The following TNRC18 variants were observed in gnomAD, a reference collection of about 807,000 sequenced individuals.
TNRC18 encodes trinucleotide repeat-containing gene 18 protein.
In TNRC18, 69 loss-of-function variants were observed where a neutral mutation model predicts 226.7. That is an observed-to-expected ratio of 0.30 (90% CI 0.25 to 0.37). TNRC18 has a LOEUF of 0.37. Ranked by LOEUF, TNRC18 falls within the 10% of genes least tolerant of loss-of-function variation. The pLI, the probability that TNRC18 is intolerant of heterozygous loss-of-function variation, is 1.00. For missense variants in TNRC18, 4,754 were observed against 4,256.6 expected (o/e 1.12, Z -3.25); for synonymous variants, 2,449 against 1,927.6 (o/e 1.27, Z -7.09).
At position 5,389,069 on chromosome 7, in the gene TNRC18, T is replaced by C; in HGVS notation, c.755A>G (p.Asp252Gly). The stretch of plus-strand genomic sequence containing the variant: ...CTCAGCCAGGCGCGGGGGCCCCCGG[T>C]CCTGGCGGCCCTCGGCGCGCGCCTC... Reference protein sequence around the residue: ...TQEARAEGRQDRGPPRLAERL... With the variant: ...TQEARAEGRQGRGPPRLAERL... The change falls in exon 5 of 30, where the codon GAC (aspartate) becomes GGC (glycine). Residue 252 changes from aspartate to glycine, a missense_variant. Asp to Gly is a moderately conservative substitution (Grantham distance 94). Coordinates refer to ENST00000430969, the MANE Select transcript of TNRC18 (RefSeq NM_001080495.3). The C allele has an allele frequency of 3.1e-6, 4 of 1,280,996 alleles. No homozygotes were observed. Among genetic ancestry groups the C allele is most frequent in the Non-Finnish European group, 4.0e-6 (4 of 1,006,142 alleles). 79.4% of individuals were successfully genotyped at this position (1,280,996 alleles called of 1,614,324 possible).
intron 16 of TNRC18, among the ~76,000 whole-genome samples, chr7:5,356,203 A>G (rs1388479283): frequency 6.6e-6 from 1 of 150,726 alleles, no homozygotes; most frequent in Non-Finnish European, 1.5e-5. Context: ...ATAGTGGGAC[A>G]CAGCCATGAT....
chr7:5,308,454 AAG>A, intron 29 of TNRC18, 142 bp from the exon 30 acceptor site: 1 of 749,198 alleles, frequency 1.3e-6, no homozygotes, highest in Non-Finnish European at 2.2e-6. Context: ...GAGGCTGAGT[AAG>A]AGACAGACCA....
chr7:5,307,979 G>C lies in TNRC18; in HGVS notation c.*127C>G, dbSNP rs1786727282. On this transcript the variant is annotated 3_prime_UTR_variant, in exon 30 of 30. Transcript: ENST00000430969. ...ACCCGGGCATCCACGTGCACACCTGGCCCCATGCACACGCCTGCAGGAGCG... is the reference window on the plus strand; with the variant it reads ...ACCCGGGCATCCACGTGCACACCTGCCCCCATGCACACGCCTGCAGGAGCG... The C allele has an allele frequency of 2.4e-6, 2 of 831,294 alleles. No homozygotes were observed. The highest frequency in any genetic ancestry group is 1.9e-6 in the Non-Finnish European group (1 of 531,888). The allele number at this position is 831,294 out of a possible 1,614,324, so 51.5% of individuals were successfully genotyped here.
chr7:5,322,830 C>G (rs1226486846), intron 21 of TNRC18, among the ~76,000 whole-genome samples: 4 of 152,242 alleles, frequency 2.6e-5, no homozygotes, highest in Non-Finnish European at 5.9e-5. Context: ...CGGCCGTATC[C>G]CTGCTGTGCC....
intron 19 of TNRC18, among the ~76,000 whole-genome samples, chr7:5,329,303 A>G (rs1052794100): frequency 7.1e-6 from 1 of 140,466 alleles, no homozygotes; most frequent in Non-Finnish European, 1.5e-5. Flanking sequence ...TTCTGTCTTT[A>G]AAAAAAAAAA....
Position 5,307,700 on chromosome 7 carries a change from A to C in TNRC18, c.*406T>G, listed in dbSNP as rs777806132. Reference sequence around the variant, plus strand: ...GCTTGGGAAGCCCAGAGTGAGCGTCAGTTTGGTTCCTTAGAAGCGCCCCTC... The same window carrying C: ...GCTTGGGAAGCCCAGAGTGAGCGTCCGTTTGGTTCCTTAGAAGCGCCCCTC... On this transcript the variant is annotated 3_prime_UTR_variant, in exon 30 of 30. Coordinates refer to ENST00000430969, the MANE Select transcript of TNRC18 (RefSeq NM_001080495.3). The C allele has an allele frequency of 3.0e-6, 1 of 328,966 alleles. No individual in the cohort carries two copies. The highest frequency in any genetic ancestry group is 6.0e-6 in the Non-Finnish European group (1 of 165,546). The allele number at this position is 328,966 out of a possible 1,614,324, so 20.4% of individuals were successfully genotyped here.
At position 5,377,709 on chromosome 7, in the gene TNRC18, C is replaced by G; in HGVS notation, c.2256-133G>C. The G allele has an allele frequency of 9.0e-7, 1 of 1,111,648 alleles. No individual in the cohort carries two copies. The allele number at this position is 1,111,648 out of a possible 1,614,324, so 68.9% of individuals were successfully genotyped here. ...ACAACCACTGCTCGGAACTGAAGGGCCTCCCGGGGCCTTCCACACTCACTG... is the reference window on the plus strand; with the variant it reads ...ACAACCACTGCTCGGAACTGAAGGGGCTCCCGGGGCCTTCCACACTCACTG... On this transcript the variant is annotated intron_variant, in intron 6 of 29. Transcript: ENST00000430969. The surrounding 1 kb of genome is among the most constrained non-coding windows in gnomAD (Gnocchi z 5.8).
chr7:5,388,029 C>G lies in TNRC18; in HGVS notation c.1795G>C (p.Ala599Pro), dbSNP rs1779937669. ...IKYSGSFARD[A>P]VAVRPGGCGK... The stretch of plus-strand genomic sequence containing the variant: ...CAGCCACCAGGGCGCACGGCCACGG[C>G]GTCCCGGGCAAAGCTGCCACTGTAC... Residue 599 changes from alanine to proline, a missense_variant, in exon 5 of 30, where the codon GCC becomes CCC. By Grantham distance (27) the Ala-to-Pro change is conservative. Transcript: ENST00000430969. 2 of 1,567,002 alleles carry G rather than the reference C, an allele frequency of 1.3e-6. No homozygotes were observed. Among genetic ancestry groups the G allele is most frequent in the Middle Eastern group, 1.7e-4 (1 of 6,014 alleles).
At chr7:5,393,874 T>C (rs1780474597) in intron 3 of TNRC18, among the ~76,000 whole-genome samples, 3 of 152,060 alleles carry the variant, frequency 2.0e-5, no homozygotes, top group African/African-American at 7.2e-5. Flanking sequence ...CCCCCCGCTC[T>C]GGGAAATTTT....
At position 5,345,717 on chromosome 7, in the gene TNRC18, G is replaced by A; in HGVS notation, c.5564C>T (p.Ala1855Val). The change falls in exon 18 of 30, where the codon GCC becomes GTC. Residue 1855 changes from alanine (A) to valine (V), a missense_variant. Physicochemically the swap from Ala to Val is moderately conservative, Grantham distance 64. Transcript: ENST00000430969. ...GGYRLGARER[A>V]LSPGLEESGL... Reference sequence around the variant, plus strand: ...ACTCTCCTCCAGGCCCGGTGACAGGGCCCGCTCCCGGGCACCCAGCCTGTA... The same window carrying A: ...ACTCTCCTCCAGGCCCGGTGACAGGACCCGCTCCCGGGCACCCAGCCTGTA... 1.9e-6 allele frequency: 3 copies of A among 1,548,526 alleles called. No individual in the cohort carries two copies. Among genetic ancestry groups the A allele is most frequent in the Non-Finnish European group, 2.6e-6 (3 of 1,146,804 alleles).
chr7:5,397,581 G>A (rs1268410776), intron 2 of TNRC18, among the ~76,000 whole-genome samples: 2 of 151,994 alleles, frequency 1.3e-5, no homozygotes, highest in Non-Finnish European at 2.9e-5. Flanking sequence ...CAGCTATGGC[G>A]ATGAGGCCAG....
intron 16 of TNRC18, among the ~76,000 whole-genome samples, chr7:5,356,415 G>A (rs897189498): frequency 1.3e-5 from 2 of 152,124 alleles, no homozygotes; most frequent in East Asian, 1.9e-4. Flanking sequence ...CACGGTGGGC[G>A]CTCCATAAAC....
chr7:5,359,303 G>C lies in TNRC18; in HGVS notation c.4833+95C>G, dbSNP rs190659873. The C allele has an allele frequency of 1.6e-4, 215 of 1,310,256 alleles. 1 individual carries two copies. In the African/African-American group the frequency reaches 2.9e-3, roughly 17 times the overall value. The allele number at this position is 1,310,256 out of a possible 1,614,324, so 81.2% of individuals were successfully genotyped here. A position where few individuals can be genotyped will look rare whatever the true frequency, so the allele number is the denominator to read the frequency against. On this transcript the variant is annotated intron_variant, in intron 15 of 29. Coordinates refer to ENST00000430969, the MANE Select transcript of TNRC18 (RefSeq NM_001080495.3). ...AACCACTTCTAAGGTTTCTGTACAG[G>C]AACAAAGGGCCTGCGAAGGGAGCGT... is the stretch of plus-strand genomic sequence containing the variant.
chr7:5,388,921 C>T lies in TNRC18; in HGVS notation c.903G>A (p.Gly301=). ...GGGCAGCCTCCTTGGCACCCCCGCG[C>T]CCCGCTTCGGCCACCAGCGCGGGCA... The part of the protein sequence containing the change: ...VGLPALVAEA[G]RGGAKEAARQ... The change falls in exon 5 of 30, where the codon GGG becomes GGA. Residue 301 remains glycine, a synonymous_variant. Coordinates refer to ENST00000430969, the MANE Select transcript of TNRC18 (RefSeq NM_001080495.3). The T allele has an allele frequency of 7.3e-7, 1 of 1,373,074 alleles. No individual in the cohort carries two copies. The highest frequency in any genetic ancestry group is 9.4e-7 in the Non-Finnish European group (1 of 1,059,104). 85.1% of individuals were successfully genotyped at this position (1,373,074 alleles called of 1,614,324 possible).
At position 5,312,896 on chromosome 7, in the gene TNRC18, AGAG is replaced by A. The variant is rs750976541; in HGVS notation, c.7992_7994del (p.Ser2671del). The A allele has an allele frequency of 1.5e-3, 2,226 of 1,493,108 alleles. No homozygotes were observed. The highest frequency in any genetic ancestry group is 2.1e-3 in the Middle Eastern group (9 of 4,360). 92.5% of individuals were successfully genotyped at this position (1,493,108 alleles called of 1,614,324 possible). ...CTGTGGTGGAGGAAGAAGAGGAGGA[AGAG>A]GAGGAGGAGGAGGAGGATGAGGACG... On this transcript the variant is annotated inframe_deletion, in exon 27 of 30. Coordinates refer to ENST00000430969, the MANE Select transcript of TNRC18 (RefSeq NM_001080495.3). This position sits in a 1 kb window ranked among gnomAD's most constrained non-coding sequence, Gnocchi z 6.3.
chr7:5,352,802 C>T (rs535542860), intron 16 of TNRC18, among the ~76,000 whole-genome samples: 76 of 152,376 alleles, frequency 5.0e-4, no homozygotes, highest in African/African-American at 1.7e-3. Flanking sequence ...GGCAACGCTC[C>T]GGCCCCCGCC....
chr7:5,332,252 C>T (rs1789597810), intron 19 of TNRC18, among the ~76,000 whole-genome samples: 1 of 152,100 alleles, frequency 6.6e-6, no homozygotes, highest in African/African-American at 2.4e-5. Context: ...GCCTGGGCAA[C>T]ATAGCGAGAT....
intron 27 of TNRC18, among the ~76,000 whole-genome samples, chr7:5,311,126 C>A (rs929221864): frequency 1.6e-4 from 25 of 152,250 alleles, no homozygotes; most frequent in African/African-American, 5.1e-4. Context: ...ACATGTACAT[C>A]TGCATGTGTG....
rs1794091060 is a variant in TNRC18 at position 5,370,957 on chromosome 7, A to C, written c.3637T>G (p.Cys1213Gly). 1.2e-6 allele frequency: 2 copies of C among 1,605,258 alleles called. No homozygotes were observed. Among genetic ancestry groups the C allele is most frequent in the South Asian group, 2.2e-5 (2 of 91,088 alleles). Residue 1213 changes from cysteine (C) to glycine (G), a missense_variant, in exon 11 of 30, where the codon TGC becomes GGC. Coordinates refer to ENST00000430969, the MANE Select transcript of TNRC18 (RefSeq NM_001080495.3). ...TCTGGACACTCAGAGGGCTCTGCGC[A>C]GCTCTGCCCGGTGGCACTCAGCGCC... ...AQALSATGQS[C>G]AEPSECPDFV...
Sources: gnomAD v4.1 joint callset for allele counts (sites outside exome capture counted in the v4.1 genomes callset) on GRCh38, gnomAD v4.1.1 for gene constraint, Gnocchi (gnomAD v3.1) non-coding constraint, MANE v1.5 for transcripts, NCBI Gene and HGNC (gene_info 2026-07-23, HGNC 2026-07-21) for gene names.